VRK2: variants seen among roughly 807,000 people sequenced by gnomAD.
VRK2 encodes VRK serine/threonine kinase 2, also known as serine/threonine-protein kinase VRK2.
A neutral mutation model predicts 57.6 loss-of-function variants in VRK2; 60 were observed. That is an observed-to-expected ratio of 1.04 (90% CI 0.85 to 1.29). The LOEUF (loss-of-function observed/expected upper bound fraction) is 1.29, where lower values mean the gene tolerates loss of function less well. Among genes scored for constraint, VRK2 ranks in the 50% most tolerant of loss-of-function variants. VRK2 has a pLI of 0.00. For missense variants in VRK2, 705 were observed against 588.1 expected (o/e 1.20, Z -2.06); for synonymous variants, 231 against 199.2 (o/e 1.16, Z -1.35).
intron 1 of VRK2, among the ~76,000 whole-genome samples, chr2:58,004,211 C>G (rs921396718): frequency 6.6e-6 from 1 of 151,804 alleles, no homozygotes; most frequent in Admixed American, 6.6e-5. Context: ...ACACACACAT[C>G]CTGACCTACC....
At chr2:58,021,860 A>T (rs976282958) in intron 1 of VRK2, among the ~76,000 whole-genome samples, 1 of 152,228 alleles carries the variant, frequency 6.6e-6, no homozygotes, top group East Asian at 1.9e-4. Context: ...AAATTGTTCA[A>T]GTTCCAATGT....
intron 1 of VRK2, among the ~76,000 whole-genome samples, chr2:57,940,710 A>G (rs1050095366): frequency 6.6e-6 from 1 of 152,186 alleles, no homozygotes; most frequent in African/African-American, 2.4e-5. Context: ...GAACATTATT[A>G]TCACTGCTAC....
intron 1 of VRK2, among the ~76,000 whole-genome samples, chr2:57,922,008 A>G (rs1342238349): frequency 6.6e-6 from 1 of 152,050 alleles, no homozygotes; most frequent in African/African-American, 2.4e-5. Context: ...TAGTTTTAGT[A>G]TCCTCTGTAA....
At chr2:58,044,547 T>C (rs1169501067), upstream of VRK2, among the ~76,000 whole-genome samples, 3 of 151,738 alleles carry the variant, frequency 2.0e-5, no homozygotes, top group African/African-American at 7.3e-5. Context: ...ATAAACTGTA[T>C]AATATATTGC....
intron 2 of VRK2, among the ~76,000 whole-genome samples, chr2:58,081,044 T>G (rs1670789443): frequency 6.6e-6 from 1 of 152,014 alleles, no homozygotes; most frequent in South Asian, 2.1e-4. Flanking sequence ...CTTAAGGAAC[T>G]CAGAATACTC....
chr2:58,087,661 G>A (rs1043977598), intron 5 of VRK2, among the ~76,000 whole-genome samples: 9 of 151,940 alleles, frequency 5.9e-5, no homozygotes, highest in African/African-American at 2.2e-4. Flanking sequence ...GTATAGAGAC[G>A]GTATATATGA....
intron 7 of VRK2, among the ~76,000 whole-genome samples, chr2:58,108,055 G>C (rs1029481100): frequency 2.6e-5 from 4 of 152,044 alleles, no homozygotes; most frequent in African/African-American, 9.7e-5. Flanking sequence ...GACAAACCAG[G>C]AACTAGTTGG....
chr2:58,075,636 A>G (rs183761948), intron 2 of VRK2, among the ~76,000 whole-genome samples: 52 of 152,212 alleles, frequency 3.4e-4, no homozygotes, highest in African/African-American at 1.2e-3. Flanking sequence ...AATGATAAGT[A>G]TAAACCTATT....
intron 4 of VRK2, among the ~76,000 whole-genome samples, chr2:58,086,130 A>G (rs893595334): frequency 6.6e-6 from 1 of 151,532 alleles, no homozygotes; most frequent in African/African-American, 2.4e-5. Context: ...ACTTGTTTTT[A>G]TTGATTTAAT....
intron 12 of VRK2, among the ~76,000 whole-genome samples, chr2:58,149,116 A>G (rs769010439): frequency 6.6e-6 from 1 of 151,654 alleles, no homozygotes; most frequent in Non-Finnish European, 1.5e-5. Flanking sequence ...CGACTCCTCC[A>G]GTGCATAAAC....
intron 1 of VRK2, among the ~76,000 whole-genome samples, chr2:57,960,620 C>A (rs61026067): frequency 6.6e-6 from 1 of 152,082 alleles, no homozygotes; most frequent in Non-Finnish European, 1.5e-5. Context: ...GGGTTCATGG[C>A]GTTCAGGTTC....
intron 9 of VRK2, among the ~76,000 whole-genome samples, chr2:58,134,236 G>A (rs112233704): frequency 0.061 from 9,290 of 152,160 alleles, 955 homozygotes; most frequent in African/African-American, 0.21. Flanking sequence ...ACTTAGGAAG[G>A]TCACCCTCTC....
intron 7 of VRK2, 143 bp downstream of exon 7, chr2:58,089,866 T>C (rs1672126881): frequency 1.7e-6 from 1 of 605,850 alleles, no homozygotes; most frequent in African/African-American, 1.9e-5. Flanking sequence ...GCTTATCTAA[T>C]TTAATCTTTG....
chr2:58,013,568 T>C (rs1673476400), intron 1 of VRK2, among the ~76,000 whole-genome samples: 1 of 152,214 alleles, frequency 6.6e-6, no homozygotes, highest in Non-Finnish European at 1.5e-5. Context: ...CAGATATGAT[T>C]CTTGCCTTAA....
At chr2:58,137,224 C>CATGTATATCAT (rs1558687360) in intron 10 of VRK2, among the ~76,000 whole-genome samples, 1 of 65,144 alleles carries the variant, frequency 1.5e-5, no homozygotes, top group African/African-American at 8.4e-5. Flanking sequence ...ACATATATAT[C>CATGTATATCAT]ATATGATACA....
At chr2:58,016,154 T>A (rs1171896639) in intron 1 of VRK2, among the ~76,000 whole-genome samples, 1 of 151,214 alleles carries the variant, frequency 6.6e-6, no homozygotes. Context: ...AGTTTTCTAA[T>A]CTATAAAATA....
At chr2:57,991,035 AAG>A (rs1672750282) in intron 1 of VRK2, among the ~76,000 whole-genome samples, 1 of 152,006 alleles carries the variant, frequency 6.6e-6, no homozygotes, top group South Asian at 2.1e-4. Context: ...CACTTCCTGA[AAG>A]AGAATGTCAA....
At chr2:58,044,051 G>T (rs546754074), upstream of VRK2, among the ~76,000 whole-genome samples, 1 of 152,164 alleles carries the variant, frequency 6.6e-6, no homozygotes, top group Non-Finnish European at 1.5e-5. Context: ...TTTAGATCTT[G>T]TATTTAGATT....
Position 58,159,519 on chromosome 2 carries a change from T to C in VRK2, c.1353T>C (p.Tyr451=). ...AGAAGTCAAGATCTCCATCTTGGTA[T>C]AAATACACTTCCACAGTCAGCACGG... ...IFKKSRSPSW[Y]KYTSTVSTGI... The change falls in exon 13 of 13, where the codon TAT becomes TAC. Residue 451 remains tyrosine (Y), a synonymous_variant. Coordinates refer to ENST00000340157, the MANE Select transcript of VRK2 (RefSeq NM_006296.7). 6.2e-7 allele frequency: 1 copy of C among 1,613,802 alleles called. No individual in the cohort carries two copies. The highest frequency in any genetic ancestry group is 1.1e-5 in the South Asian group (1 of 91,068).
Sources: gnomAD v4.1 joint callset for allele counts (sites outside exome capture counted in the v4.1 genomes callset) on GRCh38, gnomAD v4.1.1 for gene constraint, MANE v1.5 for transcripts, NCBI Gene and HGNC (gene_info 2026-07-23, HGNC 2026-07-21) for gene names.